Variants in RYR1 observed in about 807,000 individuals in gnomAD.
RYR1 encodes the protein ryanodine receptor 1, also known as central core disease of muscle.
RYR1 carries 342 observed loss-of-function variants against 583.5 expected under a neutral mutation model. That is an observed-to-expected ratio of 0.59 (90% CI 0.54 to 0.64). The LOEUF (loss-of-function observed/expected upper bound fraction) is 0.64. Among genes scored for constraint, RYR1 ranks in the 30% least tolerant of loss-of-function variants. RYR1 has a pLI of 0.00. For synonymous variants in RYR1, 2,791 were observed against 2,822.5 expected (o/e 0.99, Z 0.35); for missense variants, 6,032 against 6,917.2 (o/e 0.87, Z 4.54).
intron 101 of RYR1, among the ~76,000 whole-genome samples, chr19:38,582,290 G>A (rs765186026): frequency 1.3e-5 from 2 of 152,108 alleles, no homozygotes; most frequent in Admixed American, 6.6e-5. Flanking sequence ...CCAGCTACTC[G>A]GGAGGCTGAG....
chr19:38,543,730 C>A lies in RYR1; in HGVS notation c.11908-41C>A. ...CGCATCGTGATCCCTGATCCCTTCTCGGGGATTCCCTTCCCCCCCACACGG... is the reference window on the plus strand; with the variant it reads ...CGCATCGTGATCCCTGATCCCTTCTAGGGGATTCCCTTCCCCCCCACACGG... On this transcript the variant is annotated intron_variant, in intron 86 of 105. Transcript: ENST00000359596. The surrounding 1 kb of genome is among the most constrained non-coding windows in gnomAD (Gnocchi z 4.4). The A allele has an allele frequency of 6.2e-7, 1 of 1,611,230 alleles. No homozygotes were observed. The highest frequency in any genetic ancestry group is 8.5e-7 in the Non-Finnish European group (1 of 1,179,874).
At chr19:38,520,367 C>CTTTTT (rs34261000) in intron 67 of RYR1, among the ~76,000 whole-genome samples, 1 of 136,810 alleles carries the variant, frequency 7.3e-6, no homozygotes, top group Non-Finnish European at 1.6e-5. Context: ...CACTTAGCTG[C>CTTTTT]TTTTTTTTTT....
chr19:38,443,819 G>C (rs760962646), intron 5 of RYR1, 23 bp downstream of exon 5: 4 of 1,612,226 alleles, frequency 2.5e-6, no homozygotes, highest in Non-Finnish European at 3.4e-6. Context: ...GAGGGGATGG[G>C]GGTGTGAAGG....
chr19:38,444,066 G>C lies in RYR1; in HGVS notation c.425-83G>C. 8.3e-7 allele frequency: 1 copy of C among 1,201,786 alleles called. No individual in the cohort carries two copies. Among genetic ancestry groups the C allele is most frequent in the South Asian group, 1.2e-5 (1 of 82,546 alleles). The allele number at this position is 1,201,786 out of a possible 1,614,324, so 74.4% of individuals were successfully genotyped here. On this transcript the variant is annotated intron_variant, in intron 5 of 105. Coordinates refer to ENST00000359596, the MANE Select transcript of RYR1 (RefSeq NM_000540.3). The surrounding 1 kb of genome is among the most constrained non-coding windows in gnomAD (Gnocchi z 5.1). ...GAGTTGTGGGCCAAGGGCCCGGGAGGCCTGGTGGAGGGAGAGCCCTGGGGA... is the reference window on the plus strand; with the variant it reads ...GAGTTGTGGGCCAAGGGCCCGGGAGCCCTGGTGGAGGGAGAGCCCTGGGGA...
At chr19:38,441,203 G>A (rs1351030497) in intron 2 of RYR1, among the ~76,000 whole-genome samples, 1 of 149,232 alleles carries the variant, frequency 6.7e-6, no homozygotes, top group Non-Finnish European at 1.5e-5. Flanking sequence ...CCAGAAGAAG[G>A]GCTGGTTGGG....
intron 26 of RYR1, 57 bp from the exon 27 acceptor site, chr19:38,469,248 G>A (rs1568465364): frequency 1.2e-6 from 2 of 1,605,820 alleles, no homozygotes; most frequent in Admixed American, 3.3e-5. Flanking sequence ...CCTCCCCTCG[G>A]CTCCCTCTGC....
intron 20 of RYR1, among the ~76,000 whole-genome samples, chr19:38,461,570 A>G (rs978502478): frequency 1.3e-5 from 2 of 151,984 alleles, no homozygotes; most frequent in Non-Finnish European, 2.9e-5. Context: ...TCTACTAAAA[A>G]TTAAAAGTTA....
At chr19:38,555,463 A>T (rs913609107) in intron 89 of RYR1, among the ~76,000 whole-genome samples, 155 of 151,938 alleles carry the variant, frequency 1.0e-3, no homozygotes, top group African/African-American at 3.5e-3. Flanking sequence ...AAAAAAAAAA[A>T]AATGCATGTG....
chr19:38,527,354 T>C (rs1206950378), intron 72 of RYR1, among the ~76,000 whole-genome samples: 2 of 151,996 alleles, frequency 1.3e-5, no homozygotes, highest in East Asian at 3.9e-4. Flanking sequence ...CTACTAAAAG[T>C]ACAAAATTAG....
rs1276304336 is a variant in RYR1 at position 38,565,331 on chromosome 19, G to C, written c.12997G>C (p.Ala4333Pro). The C allele has an allele frequency of 1.7e-6, 2 of 1,187,150 alleles. No individual in the cohort carries two copies. Among genetic ancestry groups the C allele is most frequent in the African/African-American group, 3.2e-5 (2 of 62,194 alleles). 73.5% of individuals were successfully genotyped at this position (1,187,150 alleles called of 1,614,324 possible). The change falls in exon 91 of 106, where the codon GCG becomes CCG. Residue 4333 changes from alanine (A) to proline (P), a missense_variant. Physicochemically the swap from Ala to Pro is conservative, Grantham distance 27. Around this residue, in one of 11 missense-constraint regions of RYR1, gnomAD observed 753 missense variants for 759.6 expected, o/e 0.99. Coordinates refer to ENST00000359596, the MANE Select transcript of RYR1 (RefSeq NM_000540.3). This position sits in a 1 kb window ranked among gnomAD's most constrained non-coding sequence, Gnocchi z 4.7. ...LTAREAATAVAALLWAAVTRA... is the reference protein window; with the variant it reads ...LTAREAATAVPALLWAAVTRA... ...GGCCCGCGAGGCGGCCACCGCAGTG[G>C]CGGCGCTGCTCTGGGCAGCAGTGAC...
chr19:38,510,412 A>C lies in RYR1; in HGVS notation c.8933-86A>C. Reference sequence around the variant, plus strand: ...ATACTTTATCCCCCATCATTTCCCAACTCTGCTCCCAGCATCCTTCCCATC... The same window carrying C: ...ATACTTTATCCCCCATCATTTCCCACCTCTGCTCCCAGCATCCTTCCCATC... On this transcript the variant is annotated intron_variant, in intron 58 of 105. Coordinates refer to ENST00000359596, the MANE Select transcript of RYR1 (RefSeq NM_000540.3). The C allele has an allele frequency of 3.7e-6, 5 of 1,368,310 alleles. No individual in the cohort carries two copies. The East Asian group carries it at 6.9e-5, about 19-fold the overall frequency. The allele number at this position is 1,368,310 out of a possible 1,614,324, so 84.8% of individuals were successfully genotyped here. A position where few individuals can be genotyped will look rare whatever the true frequency, so the allele number is the denominator to read the frequency against.
intron 18 of RYR1, 45 bp from the exon 19 acceptor site, chr19:38,459,101 C>T (rs1967588776): frequency 9.9e-6 from 15 of 1,518,496 alleles, no homozygotes; most frequent in Non-Finnish European, 1.4e-5. Context: ...ATCATTGGTT[C>T]TGTGGGACCT....
At chr19:38,570,349 G>A (rs969940722) in intron 93 of RYR1, among the ~76,000 whole-genome samples, 4 of 152,100 alleles carry the variant, frequency 2.6e-5, no homozygotes, top group Admixed American at 1.3e-4. Context: ...CTACTCGGGA[G>A]GCGGCAGCAG....
At chr19:38,537,312 G>A (rs1011531433) in intron 83 of RYR1, among the ~76,000 whole-genome samples, 2 of 152,076 alleles carry the variant, frequency 1.3e-5, no homozygotes, top group Non-Finnish European at 2.9e-5. Context: ...CGCCCACCAT[G>A]ATTTGCTTCT....
At chr19:38,510,469 A>C (rs1970677460) in intron 58 of RYR1, 29 bp from the exon 59 acceptor site, 1 of 1,613,750 alleles carries the variant, frequency 6.2e-7, no homozygotes, top group Non-Finnish European at 8.5e-7. Flanking sequence ...CCTTGAACCC[A>C]CTGTGAACCC....
intron 16 of RYR1, among the ~76,000 whole-genome samples, chr19:38,456,628 G>A (rs1172583637): frequency 6.6e-6 from 1 of 151,894 alleles, no homozygotes; most frequent in Non-Finnish European, 1.5e-5. Flanking sequence ...ACAGCCTCTA[G>A]GTGGACTGTA....
rs1454287833 is a variant in RYR1, at chr19:38,519,254, C to T, written c.10059C>T (p.Leu3353=). Residue 3353 remains leucine, a synonymous_variant, in exon 67 of 106, where the codon CTC becomes CTT. Transcript: ENST00000359596. ...TTGTGAGCCGTGCACGGCCGGAGCT[C>T]CTGCAGTCCCACTTCATCCCAACTA... ...QPIVSRARPE[L]LQSHFIPTIG... is the part of the protein sequence containing the mutation. 10 of 1,613,978 alleles carry T rather than the reference C, an allele frequency of 6.2e-6. No homozygotes were observed. The highest frequency in any genetic ancestry group is 5.3e-5 in the African/African-American group (4 of 74,920).
intron 47 of RYR1, 126 bp downstream of exon 47, chr19:38,501,116 T>C: frequency 1.1e-6 from 1 of 869,942 alleles, no homozygotes; most frequent in Non-Finnish European, 1.8e-6. Context: ...TAATCCCCAA[T>C]ACCATCATCA....
intron 13 of RYR1, among the ~76,000 whole-genome samples, chr19:38,453,676 G>A (rs1660984048): frequency 6.6e-6 from 1 of 151,838 alleles, no homozygotes; most frequent in Non-Finnish European, 1.5e-5. Flanking sequence ...GGGAGTGTTG[G>A]GGTTTTGCAG....
Sources: allele counts gnomAD v4.1 joint callset (sites outside exome capture counted in the v4.1 genomes callset), GRCh38; gene constraint gnomAD v4.1.1; regional missense constraint gnomAD v4.1.1; non-coding constraint Gnocchi (gnomAD v3.1); transcripts MANE v1.5; gene names NCBI Gene and HGNC (gene_info 2026-07-23, HGNC 2026-07-21).